NCOR2: variants seen among roughly 807,000 people sequenced by gnomAD.
The protein encoded by NCOR2 is CTG repeat protein 26.
Under a neutral mutation model 262.9 loss-of-function variants are expected in NCOR2, and 81 were observed. The ratio of observed to expected loss-of-function variants is 0.31; its 90% CI spans 0.26 to 0.37. The LOEUF (loss-of-function observed/expected upper bound fraction) is 0.37. Ranked by LOEUF, NCOR2 falls within the 10% of genes least tolerant of loss-of-function variation. NCOR2 has a pLI of 1.00. For synonymous variants in NCOR2, 1,659 were observed against 1,559.3 expected, an observed-to-expected ratio of 1.06 and a Z score of -1.51; for missense variants, 3,385 against 3,621.4, an observed-to-expected ratio of 0.93 and a Z score of 1.68.
At chr12:124,333,901 C>CGCATGTGTGTGTGT (rs1555299263) in intron 41 of NCOR2, among the ~76,000 whole-genome samples, 1 of 140,384 alleles carries the variant, frequency 7.1e-6, no homozygotes, top group African/African-American at 2.7e-5. Flanking sequence ...TGTGTGCGCG[C>CGCATGTGTGTGTGT]GCATGTGTGC....
At chr12:124,348,649 G>T in intron 28 of NCOR2, 1 of 375,634 alleles carries the variant, frequency 2.7e-6, no homozygotes, top group Admixed American at 4.2e-5. Context: ...CCACACCCAC[G>T]GGTGCCGACA....
chr12:124,466,079 T>G, intron 5 of NCOR2, 94 bp downstream of exon 7: 3 of 1,233,530 alleles, frequency 2.4e-6, no homozygotes, highest in Non-Finnish European at 3.4e-6. Context: ...CCTCCCCACA[T>G]AGATGGAAAC....
At chr12:124,545,545 A>T (rs1269587124) in intron 1 of NCOR2, among the ~76,000 whole-genome samples, 3 of 152,138 alleles carry the variant, frequency 2.0e-5, no homozygotes, top group Non-Finnish European at 4.4e-5. Context: ...ACAGATGGGA[A>T]AACCAAGGCC....
intron 11 of NCOR2, among the ~76,000 whole-genome samples, chr12:124,424,405 T>C (rs2136315062): frequency 6.6e-6 from 1 of 152,216 alleles, no homozygotes; most frequent in East Asian, 1.9e-4. Context: ...ATGGTGAGGC[T>C]GCAGGCACGA....
rs771216530 is a variant in NCOR2, at chr12:124,354,527, T to C, written c.3540A>G (p.Pro1180=). Residue 1180 remains proline, a synonymous_variant, in exon 26 of 47, where the codon CCA becomes CCG. Transcript: ENST00000405201. ...CTGTGGGCACCCCCAGGCTCTCCGG[T>C]GGCCCAGCCTGGCCCCGTGGGGACA... 16 of 1,596,096 alleles carry C rather than the reference T, an allele frequency of 1.0e-5. No homozygotes were observed. The Admixed American group carries it at 2.1e-4, about 21-fold the overall frequency.
intron 13 of NCOR2, among the ~76,000 whole-genome samples, chr12:124,408,169 A>G (rs2042377665): frequency 6.6e-6 from 1 of 152,160 alleles, no homozygotes; most frequent in Admixed American, 6.5e-5. Context: ...CCTGGCTAAC[A>G]CGGTGAAACC....
intron 1 of NCOR2, among the ~76,000 whole-genome samples, chr12:124,550,355 AACCCAGGTCCCACTG>A (rs2051676979): frequency 6.6e-6 from 1 of 152,070 alleles, no homozygotes; most frequent in African/African-American, 2.4e-5. Flanking sequence ...GCGGGACCTG[AACCCAGGTCCCACTG>A]ACTCACAGCC....
At chr12:124,327,700 C>CAG (rs1228087590) in intron 44 of NCOR2, 67 bp from the exon 47 acceptor site, 6 of 1,142,442 alleles carry the variant, frequency 5.3e-6, no homozygotes, top group South Asian at 4.1e-5. Context: ...AGAGGGGCGA[C>CAG]AGAGAGAGAG....
At chr12:124,374,045 CT>C (rs1278862985) in intron 19 of NCOR2, among the ~76,000 whole-genome samples, 1 of 152,208 alleles carries the variant, frequency 6.6e-6, no homozygotes, top group Non-Finnish European at 1.5e-5. Context: ...TCCTGGCTCT[CT>C]AGCCCCCAAA....
chr12:124,535,370 G>A (rs1254242439), intron 1 of NCOR2, among the ~76,000 whole-genome samples, 195 bp downstream of exon 2: 1 of 152,222 alleles, frequency 6.6e-6, no homozygotes, highest in Non-Finnish European at 1.5e-5. Context: ...ATCACTGGGG[G>A]ACCCCGCAAA....
At chr12:124,528,060 G>A (rs1014499225) in intron 1 of NCOR2, among the ~76,000 whole-genome samples, 12 of 152,202 alleles carry the variant, frequency 7.9e-5, no homozygotes, top group Middle Eastern at 3.4e-3. Flanking sequence ...GTTTCACTGC[G>A]GAACAGACGT....
chr12:124,501,691 C>G (rs543554771), intron 1 of NCOR2, among the ~76,000 whole-genome samples: 1 of 152,310 alleles, frequency 6.6e-6, no homozygotes, highest in Admixed American at 6.5e-5. Flanking sequence ...CTCCCCTATC[C>G]GGTTGTGACC....
Position 124,345,635 on chromosome 12 carries a change from C to T in NCOR2, c.4360-684G>A, listed in dbSNP as rs2036859510. 2.0e-5 allele frequency among the ~76,000 whole-genome samples: 3 copies of T among 152,208 alleles called. No homozygotes were observed. The South Asian group carries it at 6.2e-4, about 32-fold the overall frequency. ...AAGAAGGGGAACTGCCCTTGTTTTT[C>T]AAAAGAATATTCTAGAATCTGGACC... On this transcript the variant is annotated intron_variant, in intron 31 of 46. Transcript: ENST00000405201.
chr12:124,477,845 C>T (rs867468033), intron 3 of NCOR2, among the ~76,000 whole-genome samples: 8 of 151,640 alleles, frequency 5.3e-5, no homozygotes, highest in South Asian at 2.1e-4. Flanking sequence ...GTACCTCTTA[C>T]TCATCAGATG....
chr12:124,341,243 C>CTT (rs757260730), intron 34 of NCOR2, among the ~76,000 whole-genome samples: 3 of 145,982 alleles, frequency 2.1e-5, no homozygotes, highest in African/African-American at 2.5e-5. Context: ...ACATTTTCAT[C>CTT]TTTTTTTTTT....
At chr12:124,344,653 T>C (rs2036770208) in exon 32 of NCOR2, 14 of 1,482,582 alleles carry the variant, frequency 9.4e-6, no homozygotes, top group Non-Finnish European at 1.1e-5. Context: ...TCGTGGGAGG[T>C]GGCCGGCAAA....
intron 1 of NCOR2, among the ~76,000 whole-genome samples, chr12:124,560,018 C>A (rs1464255314): frequency 2.0e-5 from 3 of 152,208 alleles, no homozygotes; most frequent in African/African-American, 7.2e-5. Flanking sequence ...CAAATTATAA[C>A]CATGAGCATC....
chr12:124,334,040 C>T lies in NCOR2; in HGVS notation c.6605+384G>A, dbSNP rs1295719253. On this transcript the variant is annotated intron_variant, in intron 41 of 46. Transcript: ENST00000405201. The stretch of plus-strand genomic sequence containing the variant: ...GGTGTGCATGTGTGGAAAGGCTGCT[C>T]TCTAATCATACAGCCCTGGAACAAA... Among the ~76,000 whole-genome samples, 3 of 103,960 alleles carry T rather than the reference C, an allele frequency of 2.9e-5. No homozygotes were observed. In the East Asian group the frequency reaches 8.4e-4, roughly 29 times the overall value. The allele number at this position is 103,960 out of a possible 152,430, so 68.2% of individuals were successfully genotyped here.
At chr12:124,397,054 G>A (rs118041883) in intron 16 of NCOR2, among the ~76,000 whole-genome samples, 2,401 of 152,288 alleles carry the variant, frequency 0.016, 31 homozygotes, top group Admixed American at 0.024. Flanking sequence ...TCCGGAACCC[G>A]TGGCACTCCT....
Sources: allele counts gnomAD v4.1 joint callset (sites outside exome capture counted in the v4.1 genomes callset), GRCh38; gene constraint gnomAD v4.1.1; transcripts MANE v1.5; gene names NCBI Gene and HGNC (gene_info 2026-07-23, HGNC 2026-07-21).